The following NTHL1 variants were observed in gnomAD, a reference collection of about 807,000 sequenced individuals.
NTHL1 encodes endonuclease III-like protein 1.
In NTHL1, 32 loss-of-function variants were observed where a neutral mutation model predicts 32.3. The ratio of observed to expected loss-of-function variants is 0.99; its 90% confidence interval spans 0.75 to 1.33. NTHL1 has a LOEUF of 1.33. Among genes scored for constraint, NTHL1 ranks in the 40% most tolerant of loss-of-function variants. NTHL1 has a pLI of 0.00. For missense variants in NTHL1, 501 were observed against 414.1 expected (o/e 1.21, Z -1.82); for synonymous variants, 188 against 176.9 (o/e 1.06, Z -0.50).
Position 2,044,716 on chromosome 16 carries a change from G to C in NTHL1, c.439C>G (p.Arg147Gly), listed in dbSNP as rs1200691336. Reference protein sequence around the residue: ...QVTAGAMQRLRARGLTVDSIL... With the variant: ...QVTAGAMQRLGARGLTVDSIL... Reference sequence around the variant, plus strand: ...CTGTCCACCGTCAGGCCCCGCGCCCGCAGTCGCTGCATGGCGCCCGCCGTC... The same window carrying C: ...CTGTCCACCGTCAGGCCCCGCGCCCCCAGTCGCTGCATGGCGCCCGCCGTC... The change falls in exon 3 of 6, where the codon CGG becomes GGG. Residue 147 changes from arginine to glycine, a missense_variant. Physicochemically the swap from Arg to Gly is moderately radical, Grantham distance 125. Transcript: ENST00000651570. This position sits in a 1 kb window ranked among gnomAD's most constrained non-coding sequence, Gnocchi z 5.0. The C allele has an allele frequency of 6.2e-7, 1 of 1,612,116 alleles. No individual in the cohort carries two copies. The highest frequency in any genetic ancestry group is 8.5e-7 in the Non-Finnish European group (1 of 1,179,754).
rs963751535 is a variant in NTHL1 at position 2,043,838 on chromosome 16, C to T, written c.526-112G>A. 33 of 1,282,794 alleles carry T rather than the reference C, an allele frequency of 2.6e-5. No individual in the cohort carries two copies. The highest frequency in any genetic ancestry group is 1.7e-4 in the East Asian group (7 of 41,758). 79.5% of individuals were successfully genotyped at this position (1,282,794 alleles called of 1,614,324 possible). A position where few individuals can be genotyped will look rare whatever the true frequency, so the allele number is the denominator to read the frequency against. ...CAGAGCTACCTGCACCTGCTGAGGA[C>T]GTGTGCAAGCTCAGCCCCCGCCCCC... is the stretch of plus-strand genomic sequence containing the variant. On this transcript the variant is annotated intron_variant, in intron 3 of 5. Coordinates refer to ENST00000651570, the MANE Select transcript of NTHL1 (RefSeq NM_002528.7). The surrounding 1 kb of genome is among the most constrained non-coding windows in gnomAD (Gnocchi z 4.4).
chr16:2,044,746 G>A lies in NTHL1; in HGVS notation c.409C>T (p.Gln137Ter), dbSNP rs758667255. Reference protein sequence around the residue: ...SLMLSSQTKDQVTAGAMQRLR... With the variant: ...SLMLSSQTKD ...CGCTGCATGGCGCCCGCCGTCACCTGGTCTTTGGTTTGGCTGGAGAGCATC... is the reference window on the plus strand; with the variant it reads ...CGCTGCATGGCGCCCGCCGTCACCTAGTCTTTGGTTTGGCTGGAGAGCATC... The change falls in exon 3 of 6, where the codon CAG becomes TAG. Residue 137 changes from glutamine (Q) to a stop codon, truncating the protein, a stop_gained. Transcript: ENST00000651570. LOFTEE classifies it high-confidence loss of function. The surrounding 1 kb of genome is among the most constrained non-coding windows in gnomAD (Gnocchi z 5.0). The A allele has an allele frequency of 2.2e-5, 36 of 1,612,324 alleles. No individual in the cohort carries two copies. The highest frequency in any genetic ancestry group is 3.1e-5 in the Non-Finnish European group (36 of 1,179,584).
rs765058195 is a variant in NTHL1 at position 2,046,341 on chromosome 16, C to T, written c.141G>A (p.Val47=). 6.2e-6 allele frequency: 10 copies of T among 1,608,430 alleles called. No homozygotes were observed. The Admixed American group carries it at 1.2e-4, about 19-fold the overall frequency. Residue 47 remains valine, a synonymous_variant, in exon 2 of 6, where the codon GTG becomes GTA. Coordinates refer to ENST00000651570, the MANE Select transcript of NTHL1 (RefSeq NM_002528.7). Reference sequence around the variant, plus strand: ...GTCTCTGTGCTTTCCGCGGACGCTTCACGGGGCTGTGGCTTTTCCTCGCTT... The same window carrying T: ...GTCTCTGTGCTTTCCGCGGACGCTTTACGGGGCTGTGGCTTTTCCTCGCTT... ...AAEARKSHSP[V]KRPRKAQRLR...
At position 2,039,958 on chromosome 16, in the gene NTHL1, T is replaced by C. The variant is rs764956290; in HGVS notation, c.881A>G (p.Asn294Ser). The C allele has an allele frequency of 1.9e-6, 3 of 1,606,816 alleles. No individual in the cohort carries two copies. In the South Asian group the frequency reaches 3.3e-5, roughly 18 times the overall value. ...CTGGGCGGCCGGGCAGAGGGCTTGG[T>C]TGAGGCAGGCGTGGCAGCGAGGGTG... ...PVHPRCHACL[N>S]QALCPAAQGL Residue 294 changes from asparagine to serine, a missense_variant, in exon 6 of 6, where the codon AAC becomes AGC. Coordinates refer to ENST00000651570, the MANE Select transcript of NTHL1 (RefSeq NM_002528.7).
rs1196318689 is a variant in NTHL1, at chr16:2,042,070, TGA to T, written c.685+1495_685+1496del. On this transcript the variant is annotated intron_variant, in intron 4 of 5. Transcript: ENST00000651570. Reference sequence around the variant, plus strand: ...ACCCAGCCAGCTCTGACATTTTAACTGAGAGCGTTTCTCTTTCGGGGAACCCC... The same window carrying T: ...ACCCAGCCAGCTCTGACATTTTAACTGAGCGTTTCTCTTTCGGGGAACCCC... The T allele has an allele frequency of 1.5e-5, 7 of 456,024 alleles. No homozygotes were observed. The East Asian group carries it at 4.2e-4, about 27-fold the overall frequency. The allele number at this position is 456,024 out of a possible 1,614,324, so 28.2% of individuals were successfully genotyped here.
chr16:2,047,515 C>A, intron 1 of NTHL1, 194 bp downstream of exon 1: 1 of 960,562 alleles, frequency 1.0e-6, no homozygotes, highest in Non-Finnish European at 1.5e-6. Flanking sequence ...CGCCCGAAAC[C>A]CAGCCCCTGC....
At chr16:2,042,430 C>A (rs2084279842) in intron 4 of NTHL1, among the ~76,000 whole-genome samples, 1 of 152,158 alleles carries the variant, frequency 6.6e-6, no homozygotes, top group South Asian at 2.1e-4. Context: ...TTCAGCCTCA[C>A]CAGGTGGCCC....
In NTHL1 at chr16:2,039,867, T is replaced by G; in HGVS notation, c.*57A>C. The G allele has an allele frequency of 5.6e-6, 9 of 1,595,550 alleles. No homozygotes were observed. Among genetic ancestry groups the G allele is most frequent in the Non-Finnish European group, 6.8e-6 (8 of 1,178,342 alleles). On this transcript the variant is annotated 3_prime_UTR_variant, in exon 6 of 6. Transcript: ENST00000651570. ...TCAACAGGCGTGGCTTCCTGAAGCGTAAAGCCACTTCACAGACGGTGGCCA... is the reference window on the plus strand; with the variant it reads ...TCAACAGGCGTGGCTTCCTGAAGCGGAAAGCCACTTCACAGACGGTGGCCA...
In NTHL1 at chr16:2,043,210, C is replaced by G. The variant is rs1034385182; in HGVS notation, c.685+357G>C. Reference sequence around the variant, plus strand: ...GTGAAGGATGACCTTGGGGGCCTTCCCAGAGGCCCTGGGCCCAAGCCAGGC... The same window carrying G: ...GTGAAGGATGACCTTGGGGGCCTTCGCAGAGGCCCTGGGCCCAAGCCAGGC... On this transcript the variant is annotated intron_variant, in intron 4 of 5. Transcript: ENST00000651570. The surrounding 1 kb of genome is among the most constrained non-coding windows in gnomAD (Gnocchi z 4.4). Among the ~76,000 whole-genome samples, 14 of 151,790 alleles carry G rather than the reference C, an allele frequency of 9.2e-5. No homozygotes were observed. Among genetic ancestry groups the G allele is most frequent in the Admixed American group, 4.6e-4 (7 of 15,260 alleles).
chr16:2,044,310 G>A lies in NTHL1; in HGVS notation c.525+320C>T, dbSNP rs539411736. On this transcript the variant is annotated intron_variant, in intron 3 of 5. Coordinates refer to ENST00000651570, the MANE Select transcript of NTHL1 (RefSeq NM_002528.7). The surrounding 1 kb of genome is among the most constrained non-coding windows in gnomAD (Gnocchi z 5.0). ...GAGGGTGAGGGGCTCTGGACAGGAGGGGGTGACACACCGGGAGAGGCTAGC... is the reference window on the plus strand; with the variant it reads ...GAGGGTGAGGGGCTCTGGACAGGAGAGGGTGACACACCGGGAGAGGCTAGC... Among the ~76,000 whole-genome samples, 1 of 152,342 alleles carries A rather than the reference G, an allele frequency of 6.6e-6. No individual in the cohort carries two copies. Among genetic ancestry groups the A allele is most frequent in the Non-Finnish European group, 1.5e-5 (1 of 68,026 alleles).
In NTHL1 at chr16:2,043,564, C is replaced by T; in HGVS notation, c.685+3G>A. 1 of 1,606,246 alleles carries T rather than the reference C, an allele frequency of 6.2e-7. No individual in the cohort carries two copies. Among genetic ancestry groups the T allele is most frequent in the Non-Finnish European group, 8.5e-7 (1 of 1,179,902 alleles). On this transcript the variant is annotated splice_donor_region_variant and intron_variant, in intron 4 of 5. Coordinates refer to ENST00000651570, the MANE Select transcript of NTHL1 (RefSeq NM_002528.7). This position sits in a 1 kb window ranked among gnomAD's most constrained non-coding sequence, Gnocchi z 4.4. ...GGAGCCAGCCCCGCCCTCCTCTACTCACCAATGCCTGACACAGTGCCCCAG... is the reference window on the plus strand; with the variant it reads ...GGAGCCAGCCCCGCCCTCCTCTACTTACCAATGCCTGACACAGTGCCCCAG...
chr16:2,040,331 G>A (rs72550746), intron 4 of NTHL1, 93 bp from the exon 5 acceptor site: 64 of 1,160,052 alleles, frequency 5.5e-5, no homozygotes, highest in South Asian at 4.5e-4. Context: ...CACCACCCCC[G>A]TGGCCCTCCA....
At chr16:2,047,670 C>T (rs1179086376) in intron 1 of NTHL1, 39 bp downstream of exon 1, 1 of 1,548,018 alleles carries the variant, frequency 6.5e-7, no homozygotes, top group South Asian at 1.2e-5. Flanking sequence ...CAGCCCCTAT[C>T]CCGCCTCCTC....
rs199771569 is a variant in NTHL1, at chr16:2,043,736, A to G, written c.526-10T>C. Reference sequence around the variant, plus strand: ...TGTATTTCACCTTGCTCTGAAAGACAGGGGTGGGTTCAGCCTTGGAGGCAA... The same window carrying G: ...TGTATTTCACCTTGCTCTGAAAGACGGGGGTGGGTTCAGCCTTGGAGGCAA... On this transcript the variant is annotated splice_polypyrimidine_tract_variant and intron_variant, in intron 3 of 5. Coordinates refer to ENST00000651570, the MANE Select transcript of NTHL1 (RefSeq NM_002528.7). This position sits in a 1 kb window ranked among gnomAD's most constrained non-coding sequence, Gnocchi z 4.4. 2.5e-6 allele frequency: 4 copies of G among 1,610,740 alleles called. No individual in the cohort carries two copies. The highest frequency in any genetic ancestry group is 2.2e-5 in the East Asian group (1 of 44,852).
rs986967472 is a variant in NTHL1, at chr16:2,043,292, C to T, written c.685+275G>A. ...TCCACTCCACGAGTGGGGAATTCCTCGCTCCACATTTCTCCCGAATACAAC... is the reference window on the plus strand; with the variant it reads ...TCCACTCCACGAGTGGGGAATTCCTTGCTCCACATTTCTCCCGAATACAAC... On this transcript the variant is annotated intron_variant, in intron 4 of 5. Transcript: ENST00000651570. This position sits in a 1 kb window ranked among gnomAD's most constrained non-coding sequence, Gnocchi z 4.4. 6.6e-6 allele frequency among the ~76,000 whole-genome samples: 1 copy of T among 152,066 alleles called. No homozygotes were observed. Among genetic ancestry groups the T allele is most frequent in the Non-Finnish European group, 1.5e-5 (1 of 68,012 alleles).
rs886867892 is a variant in NTHL1 at position 2,045,337 on chromosome 16, C to CA, written c.355-538dup. 5.3e-5 allele frequency among the ~76,000 whole-genome samples: 8 copies of CA among 150,504 alleles called. No individual in the cohort carries two copies. The South Asian group carries it at 6.3e-4, about 12-fold the overall frequency. On this transcript the variant is annotated intron_variant, in intron 2 of 5. Coordinates refer to ENST00000651570, the MANE Select transcript of NTHL1 (RefSeq NM_002528.7). ...GGGCAACAAGAGCAAGACTTGGTCTCAAAAAAAAACCCAACACGATCGTAT... is the reference window on the plus strand; with the variant it reads ...GGGCAACAAGAGCAAGACTTGGTCTCAAAAAAAAAACCCAACACGATCGTAT...
intron 4 of NTHL1, among the ~76,000 whole-genome samples, chr16:2,041,026 C>T (rs2084262783): frequency 6.6e-6 from 1 of 152,258 alleles, no homozygotes; most frequent in South Asian, 2.1e-4. Flanking sequence ...CTGGCCACCC[C>T]AGGCGTCTGC....
rs1232383882 is a variant in NTHL1 at position 2,046,267 on chromosome 16, T to C, written c.215A>G (p.Glu72Gly). The C allele has an allele frequency of 6.2e-7, 1 of 1,613,268 alleles. No homozygotes were observed. Among genetic ancestry groups the C allele is most frequent in the East Asian group, 2.2e-5 (1 of 44,872 alleles). ...CTCCCAGACTGGCACCTTGAGGGGC[T>C]CAGCCCCCTCACCTTTCTCACTGTC... ...GSDSEKGEGA[E>G]PLKVPVWEPQ... Residue 72 changes from glutamate (E) to glycine (G), a missense_variant, in exon 2 of 6, where the codon GAG (glutamate) becomes GGG (glycine). Transcript: ENST00000651570.
Position 2,047,739 on chromosome 16 carries a change from C to G in NTHL1, c.85G>C (p.Gly29Arg), listed in dbSNP as rs1161055704. 4 of 1,584,964 alleles carry G rather than the reference C, an allele frequency of 2.5e-6. No individual in the cohort carries two copies. Among genetic ancestry groups the G allele is most frequent in the Non-Finnish European group, 3.4e-6 (4 of 1,171,776 alleles). The change falls in exon 1 of 6, where the codon GGG becomes CGG. Residue 29 changes from glycine (G) to arginine (R), a missense_variant. By Grantham distance (125) the Gly-to-Arg change is moderately radical. Coordinates refer to ENST00000651570, the MANE Select transcript of NTHL1 (RefSeq NM_002528.7). ...GCAGCCTCTCTTCTCCGGAGAGGCC[C>G]GGGCTCCTCCCTACACCCCCGCGGC... The part of the protein sequence containing the change: ...AGPRGCREEP[G>R]PLRRREAAAE...
Sources: allele counts gnomAD v4.1 joint callset (sites outside exome capture counted in the v4.1 genomes callset), GRCh38; gene constraint gnomAD v4.1.1; non-coding constraint Gnocchi (gnomAD v3.1); transcripts MANE v1.5; gene names NCBI Gene and HGNC (gene_info 2026-07-23, HGNC 2026-07-21).